The following C9orf43 variants were observed in gnomAD, a reference collection of about 807,000 sequenced individuals.
C9orf43 encodes chromosome 9 open reading frame 43, also known as uncharacterized protein C9orf43.
In C9orf43, 45 loss-of-function variants were observed where a neutral mutation model predicts 59.1. The observed-to-expected ratio is 0.76, with a 90% CI of 0.60 to 0.98. The LOEUF (loss-of-function observed/expected upper bound fraction) is 0.98, where lower values mean the gene tolerates loss of function less well. C9orf43 is among the 50% of genes least tolerant of loss of function. The pLI is 0.00. For missense variants in C9orf43, 533 were observed against 554.9 expected (o/e 0.96, Z 0.40); for synonymous variants, 203 against 196.8 (o/e 1.03, Z -0.26).
chr9:113,427,298 C>G (rs144956307), intron 11 of C9orf43, among the ~76,000 whole-genome samples: 123 of 152,320 alleles, frequency 8.1e-4, no homozygotes, highest in African/African-American at 2.9e-3. Flanking sequence ...GCCTTAGCCT[C>G]CCCGGTAGCT....
chr9:113,427,829 G>A (rs770667989), intron 11 of C9orf43, among the ~76,000 whole-genome samples: 30 of 152,202 alleles, frequency 2.0e-4, no homozygotes, highest in African/African-American at 5.5e-4. Context: ...GAGGGATGGC[G>A]CAAGAAGATG....
chr9:113,425,583 T>C lies in C9orf43; in HGVS notation c.943-60T>C, dbSNP rs996955379. ...AATTCCTTCTTTTTGATATTCCTTT[T>C]GAAAAAAGTTTTCTTTACTTCCAAA... On this transcript the variant is annotated intron_variant, in intron 10 of 13. Transcript: ENST00000374165. 21 of 1,566,912 alleles carry C rather than the reference T, an allele frequency of 1.3e-5. No individual in the cohort carries two copies. The African/African-American group carries it at 2.6e-4, about 19-fold the overall frequency.
chr9:113,413,348 T>A (rs1296067376), intron 1 of C9orf43, 97 bp from the exon 2 acceptor site: 1 of 1,149,206 alleles, frequency 8.7e-7, no homozygotes, highest in Non-Finnish European at 1.2e-6. Context: ...CCTATATAGG[T>A]TCAATAGAAA....
At chr9:113,428,290 A>G (rs1564418699) in intron 12 of C9orf43, 67 bp downstream of exon 12, 4 of 1,375,048 alleles carry the variant, frequency 2.9e-6, no homozygotes, top group South Asian at 1.2e-5. Context: ...AACAACCCCA[A>G]AGCTTAACCA....
At chr9:113,414,022 G>A in intron 3 of C9orf43, 128 bp downstream of exon 3, 2 of 1,010,258 alleles carry the variant, frequency 2.0e-6, no homozygotes, top group Non-Finnish European at 1.4e-6. Context: ...TTAAAGAAGT[G>A]GTGAATAGGC....
intron 13 of C9orf43, 84 bp from the exon 14 acceptor site, chr9:113,429,088 C>T (rs1271642896): frequency 5.9e-6 from 9 of 1,523,656 alleles, no homozygotes; most frequent in Non-Finnish European, 7.3e-6. Context: ...GTCCTAAAAA[C>T]ACCCCATTTT....
intron 5 of C9orf43, 49 bp from the exon 6 acceptor site, chr9:113,422,500 G>C (rs772675698): frequency 4.4e-6 from 7 of 1,607,648 alleles, no homozygotes; most frequent in Non-Finnish European, 5.9e-6. Context: ...CTTATTTCAA[G>C]TCCAGCTGAG....
At position 113,425,422 on chromosome 9, in the gene C9orf43, TA is replaced by T; in HGVS notation, c.942+3del. 4 of 1,612,602 alleles carry T rather than the reference TA, an allele frequency of 2.5e-6. No homozygotes were observed. The highest frequency in any genetic ancestry group is 3.4e-6 in the Non-Finnish European group (4 of 1,179,306). On this transcript the variant is annotated splice_donor_region_variant and intron_variant, in intron 10 of 13. Transcript: ENST00000374165. ...GTGAAAACACCTATTAAGAAACAGG[TA>T]GAGTGGCAGTGAGGGGCTTGCTGGG...
intron 3 of C9orf43, among the ~76,000 whole-genome samples, chr9:113,415,590 C>G (rs542486070): frequency 6.6e-6 from 1 of 152,266 alleles, no homozygotes; most frequent in East Asian, 1.9e-4. Context: ...AGCCACCATG[C>G]CCGGCCCCTG....
In C9orf43 at chr9:113,419,127, G is replaced by A. The variant is rs767822145; in HGVS notation, c.307G>A (p.Asp103Asn). The A allele has an allele frequency of 1.6e-5, 26 of 1,609,888 alleles. 1 individual carries two copies. The highest frequency in any genetic ancestry group is 1.3e-4 in the East Asian group (6 of 44,772). Reference sequence around the variant, plus strand: ...TTTTAGGCCTCCGAAGGGTTTACCTGACAAAAGTTTGATCAACTGTACTAA... The same window carrying A: ...TTTTAGGCCTCCGAAGGGTTTACCTAACAAAAGTTTGATCAACTGTACTAA... ...FHGRPPKGLP[D>N]KSLINCTNRL... The change falls in exon 4 of 14, where the codon GAC becomes AAC. Residue 103 changes from aspartate (D) to asparagine (N), a missense_variant. By Grantham distance (23) the Asp-to-Asn change is conservative (BLOSUM62 1). Coordinates refer to ENST00000374165, the MANE Select transcript of C9orf43 (RefSeq NM_001278629.2).
At position 113,413,449 on chromosome 9, in the gene C9orf43, C is replaced by T. The variant is rs1828245391; in HGVS notation, c.-45C>T. 1 of 1,588,984 alleles carries T rather than the reference C, an allele frequency of 6.3e-7. No individual in the cohort carries two copies. The highest frequency in any genetic ancestry group is 1.7e-5 in the Admixed American group (1 of 58,598). On this transcript the variant is annotated 5_prime_UTR_variant, in exon 2 of 14. Coordinates refer to ENST00000374165, the MANE Select transcript of C9orf43 (RefSeq NM_001278629.2). Reference sequence around the variant, plus strand: ...ATGTAGCTGTTGATTTTCCAGAGCACTAGAATGCTGCAGGGTTGGCCTTTG... The same window carrying T: ...ATGTAGCTGTTGATTTTCCAGAGCATTAGAATGCTGCAGGGTTGGCCTTTG...
chr9:113,413,575 A>C lies in C9orf43; in HGVS notation c.82A>C (p.Ile28Leu), dbSNP rs1039244418. ...TCAGCACCCACAATGCTGGGCAACT[A>C]TCCGCCGCATTGAGAGGGGCCATCC... Reference protein sequence around the residue: ...VCQHPQCWATIRRIERGHPRI... With the variant: ...VCQHPQCWATLRRIERGHPRI... The change falls in exon 2 of 14, where the codon ATC becomes CTC. Residue 28 changes from isoleucine to leucine, a missense_variant. Physicochemically the swap from Ile to Leu is conservative, Grantham distance 5. Transcript: ENST00000374165. 6.2e-7 allele frequency: 1 copy of C among 1,614,102 alleles called. No individual in the cohort carries two copies. The highest frequency in any genetic ancestry group is 8.5e-7 in the Non-Finnish European group (1 of 1,180,050).
At chr9:113,421,493 C>G (rs754682853) in intron 5 of C9orf43, among the ~76,000 whole-genome samples, 5 of 151,776 alleles carry the variant, frequency 3.3e-5, no homozygotes, top group Non-Finnish European at 7.4e-5. Flanking sequence ...AATAAATGCT[C>G]TCTCTTAGTT....
rs1404196693 is a variant in C9orf43, at chr9:113,425,042, A to G, written c.831A>G (p.Glu277=). The G allele has an allele frequency of 1.2e-6, 2 of 1,612,788 alleles. No homozygotes were observed. The highest frequency in any genetic ancestry group is 3.3e-5 in the Admixed American group (2 of 60,004). ...TLERPALRYP[E]RLKKLHNLKT... ...AGAGACCAGCACTGCGATATCCTGA[A>G]CGTTTGAAGAAATTACATAACCTGA... Residue 277 remains glutamate, a synonymous_variant, in exon 9 of 14, where the codon GAA becomes GAG. Transcript: ENST00000374165.
rs543420948 is a variant in C9orf43 at position 113,418,143 on chromosome 9, G to A, written c.288-965G>A. Among the ~76,000 whole-genome samples, 19 of 152,214 alleles carry A rather than the reference G, an allele frequency of 1.2e-4. No homozygotes were observed. The East Asian group carries it at 3.1e-3, about 25-fold the overall frequency. On this transcript the variant is annotated intron_variant, in intron 3 of 13. Coordinates refer to ENST00000374165, the MANE Select transcript of C9orf43 (RefSeq NM_001278629.2). Reference sequence around the variant, plus strand: ...TGGCATTAAGTACATTCACAGTGTTGTACATCCATCAGCACTATCCATTTC... The same window carrying A: ...TGGCATTAAGTACATTCACAGTGTTATACATCCATCAGCACTATCCATTTC...
Position 113,428,623 on chromosome 9 carries a change from C to T in C9orf43, c.1108-277C>T, listed in dbSNP as rs537568813. Among the ~76,000 whole-genome samples, 20 of 152,268 alleles carry T rather than the reference C, an allele frequency of 1.3e-4. No homozygotes were observed. The South Asian group carries it at 3.9e-3, about 30-fold the overall frequency. ...AGGCCCTATCTCCTGATGGGAGGAA[C>T]AGCATGTGCATACCAGAATGGGAGG... On this transcript the variant is annotated intron_variant, in intron 12 of 13. Transcript: ENST00000374165.
At chr9:113,425,293 G>C in intron 9 of C9orf43, 51 bp from the exon 10 acceptor site, 1 of 1,609,300 alleles carries the variant, frequency 6.2e-7, no homozygotes, top group East Asian at 2.2e-5. Flanking sequence ...GCATTCCAGT[G>C]GGAGAGAGGG....
In C9orf43 at chr9:113,423,470, G is replaced by A. The variant is rs186534707; in HGVS notation, c.628G>A (p.Glu210Lys). ...SDFLPLWAQS[E>K]ALPQDLLKEL... Reference sequence around the variant, plus strand: ...TTTCCTACCTCTCTGGGCTCAATCCGAAGCGTTACCTCAGGATCTACTGAA... The same window carrying A: ...TTTCCTACCTCTCTGGGCTCAATCCAAAGCGTTACCTCAGGATCTACTGAA... The change falls in exon 7 of 14, where the codon GAA becomes AAA. Residue 210 changes from glutamate to lysine, a missense_variant. Coordinates refer to ENST00000374165, the MANE Select transcript of C9orf43 (RefSeq NM_001278629.2). 1.3e-5 allele frequency: 21 copies of A among 1,613,880 alleles called. No homozygotes were observed. Among genetic ancestry groups the A allele is most frequent in the Middle Eastern group, 1.7e-4 (1 of 6,054 alleles).
intron 11 of C9orf43, 59 bp downstream of exon 11, chr9:113,425,789 G>A (rs1828770917): frequency 1.2e-5 from 17 of 1,372,848 alleles, no homozygotes; most frequent in South Asian, 9.4e-5. Flanking sequence ...AGGTATCTGA[G>A]GGCAGGAAAA....
Sources: gnomAD v4.1 joint callset for allele counts (sites outside exome capture counted in the v4.1 genomes callset) on GRCh38, gnomAD v4.1.1 for gene constraint, MANE v1.5 for transcripts, NCBI Gene and HGNC (gene_info 2026-07-23, HGNC 2026-07-21) for gene names.